The following PDE4D variants were observed in gnomAD, a reference collection of about 807,000 sequenced individuals.
PDE4D encodes the protein 3',5'-cyclic-AMP phosphodiesterase 4D.
In PDE4D, 24 loss-of-function variants were observed where a neutral mutation model predicts 87.4. That is an observed-to-expected ratio of 0.27 (90% CI 0.20 to 0.39). The LOEUF is 0.39. Ranked by LOEUF, PDE4D falls within the 10% of genes least tolerant of loss-of-function variation. The probability of loss-of-function intolerance (pLI) is 1.00; values close to 1 mark genes in which losing one functional copy is unlikely to be tolerated. For synonymous variants in PDE4D, 384 were observed against 383.2 expected, an observed-to-expected ratio of 1.00 and a Z score of -0.02; for missense variants, 714 against 1,041.0, an observed-to-expected ratio of 0.69 and a Z score of 4.32.
chr5:59,625,444 A>G (rs143511755), intron 1 of PDE4D, among the ~76,000 whole-genome samples: 11 of 151,882 alleles, frequency 7.2e-5, no homozygotes, highest in African/African-American at 2.7e-4. Context: ...TGAGTTTGAG[A>G]CTCTGAGCAC....
chr5:59,771,441 G>GAAAT, intron 1 of PDE4D, among the ~76,000 whole-genome samples: 1 of 83,998 alleles, frequency 1.2e-5, no homozygotes, highest in Admixed American at 1.3e-4. Flanking sequence ...GAAAAAGAAA[G>GAAAT]AAAGAAAGAA....
chr5:60,273,213 G>T (rs976891163), intron 1 of PDE4D, among the ~76,000 whole-genome samples: 6 of 151,878 alleles, frequency 4.0e-5, no homozygotes, highest in Admixed American at 6.6e-5. Flanking sequence ...AGAGAGGCAG[G>T]GTCAAGGAAG....
Position 59,734,288 on chromosome 5 carries a change from C to T in PDE4D, c.455+158880G>A, listed in dbSNP as rs541538465. Among the ~76,000 whole-genome samples the T allele has an allele frequency of 8.7e-4, 132 of 152,140 alleles. 1 individual carries two copies. The highest frequency in any genetic ancestry group is 3.1e-3 in the African/African-American group (127 of 41,526). On this transcript the variant is annotated intron_variant, in intron 1 of 14. Coordinates refer to ENST00000340635, the MANE Select transcript of PDE4D (RefSeq NM_001104631.2). The stretch of plus-strand genomic sequence containing the variant: ...ATAAAATAGTGTATTCTATTCACAG[C>T]AACAGACTGAAATAGACTCAATATC...
intron 1 of PDE4D, among the ~76,000 whole-genome samples, chr5:59,505,445 G>T (rs550373551): frequency 6.6e-6 from 1 of 152,254 alleles, no homozygotes; most frequent in East Asian, 1.9e-4. Flanking sequence ...TTTCCAAGAT[G>T]AATGTTAAGG....
At position 60,122,398 on chromosome 5, in the gene PDE4D, C is replaced by A. The variant is rs1778770385; in HGVS notation, c.42+63159G>T. On this transcript the variant is annotated intron_variant, in intron 2 of 16. Transcript: ENST00000502484. Reference sequence around the variant, plus strand: ...GCAAACTTCTGCCTGGGCATCCAGGCATTTCCATACATCTTCTGAAATATA... The same window carrying A: ...GCAAACTTCTGCCTGGGCATCCAGGAATTTCCATACATCTTCTGAAATATA... Among the ~76,000 whole-genome samples, 3 of 152,366 alleles carry A rather than the reference C, an allele frequency of 2.0e-5. No individual in the cohort carries two copies. In the South Asian group the frequency reaches 6.2e-4, roughly 32 times the overall value.
At chr5:59,587,449 G>A (rs2153702234) in intron 1 of PDE4D, 1 of 985,270 alleles carries the variant, frequency 1.0e-6, no homozygotes, top group East Asian at 1.1e-4. Context: ...AAGCTATACA[G>A]ACCTTGCATG....
chr5:59,683,543 C>T (rs959875013), intron 1 of PDE4D, among the ~76,000 whole-genome samples: 3 of 152,124 alleles, frequency 2.0e-5, no homozygotes, highest in African/African-American at 7.2e-5. Flanking sequence ...TGATACCTTA[C>T]ATATTTCGAG....
chr5:59,008,300 A>G (rs1752055175), intron 6 of PDE4D, among the ~76,000 whole-genome samples: 1 of 152,016 alleles, frequency 6.6e-6, no homozygotes. Context: ...AATAGTTACT[A>G]ATGTCCCCTC....
intron 1 of PDE4D, among the ~76,000 whole-genome samples, chr5:59,379,941 C>A (rs387997): frequency 3.1e-4 from 47 of 151,716 alleles, no homozygotes; most frequent in South Asian, 1.2e-3. Flanking sequence ...CCCAGGTGGT[C>A]AGCATTGTAC....
chr5:59,203,020 T>A (rs1046692800), intron 2 of PDE4D, among the ~76,000 whole-genome samples: 2 of 152,150 alleles, frequency 1.3e-5, no homozygotes, highest in African/African-American at 4.8e-5. Context: ...AACCTGATTT[T>A]AAAATGGGCA....
intron 1 of PDE4D, among the ~76,000 whole-genome samples, chr5:59,729,114 G>T (rs1194752005): frequency 6.6e-6 from 1 of 152,040 alleles, no homozygotes; most frequent in African/African-American, 2.4e-5. Context: ...GAATGAGAAA[G>T]AAAGAGGAAT....
intron 5 of PDE4D, among the ~76,000 whole-genome samples, chr5:59,091,995 G>C (rs1005727400): frequency 1.3e-5 from 2 of 152,044 alleles, no homozygotes; most frequent in African/African-American, 4.8e-5. Flanking sequence ...ATGTTAGCAA[G>C]GTAAAACACT....
chr5:59,585,974 C>T (rs1825050183), intron 1 of PDE4D, among the ~76,000 whole-genome samples: 1 of 152,120 alleles, frequency 6.6e-6, no homozygotes, highest in African/African-American at 2.4e-5. Context: ...TGCCCTTCCC[C>T]AGGGAATTTT....
In PDE4D at chr5:60,497,397, TTTTTTGTTTTTG is replaced by T. The variant is rs544407159; in HGVS notation, n.70+24642_70+24653del. 1.3e-3 allele frequency among the ~76,000 whole-genome samples: 193 copies of T among 152,196 alleles called. 2 individuals are homozygous for T. The highest frequency in any genetic ancestry group is 4.5e-3 in the African/African-American group (186 of 41,522). On this transcript the variant is annotated intron_variant and non_coding_transcript_variant, in intron 1 of 2. Transcript: ENST00000506510. ...TTGCAATTCTTTTTTGTCTTTCTTT[TTTTTTGTTTTTG>T]TTTTTGTTTTTGAGGCAGGATCTTG... is the stretch of plus-strand genomic sequence containing the variant.
intron 2 of PDE4D, among the ~76,000 whole-genome samples, chr5:59,198,317 A>G (rs1444624062): frequency 6.6e-6 from 1 of 152,232 alleles, no homozygotes; most frequent in East Asian, 1.9e-4. Flanking sequence ...GTCTATATGT[A>G]TGTATGTATG....
chr5:60,492,480 G>A (rs544906612), upstream of PDE4D, among the ~76,000 whole-genome samples: 6 of 152,028 alleles, frequency 3.9e-5, no homozygotes, highest in African/African-American at 7.2e-5. Flanking sequence ...AAATAAAATT[G>A]TTTTTATTAG....
At chr5:59,255,035 T>C (rs935076754) in intron 1 of PDE4D, among the ~76,000 whole-genome samples, 1 of 152,056 alleles carries the variant, frequency 6.6e-6, no homozygotes, top group Non-Finnish European at 1.5e-5. Flanking sequence ...GAGCTACCAT[T>C]TGTCCCAGCA....
intron 5 of PDE4D, among the ~76,000 whole-genome samples, chr5:59,109,583 T>C (rs1479886594): frequency 6.6e-6 from 1 of 152,140 alleles, no homozygotes; most frequent in Non-Finnish European, 1.5e-5. Flanking sequence ...GGGCTGACAC[T>C]CCGCCCAATC....
intron 1 of PDE4D, among the ~76,000 whole-genome samples, chr5:59,451,335 C>T (rs1799122674): frequency 6.6e-6 from 1 of 152,128 alleles, no homozygotes; most frequent in Admixed American, 6.5e-5. Flanking sequence ...TAATCTTGCA[C>T]CCCCTTTAGT....
Sources: allele counts gnomAD v4.1 joint callset (sites outside exome capture counted in the v4.1 genomes callset), GRCh38; gene constraint gnomAD v4.1.1; transcripts MANE v1.5; gene names NCBI Gene and HGNC (gene_info 2026-07-23, HGNC 2026-07-21).